Variants in CX3CL1 observed in about 807,000 individuals in gnomAD.
CX3CL1 encodes the protein C-X3-C motif chemokine ligand 1.
In CX3CL1, 1 loss-of-function variant was observed where a neutral mutation model predicts 14.1. The observed-to-expected ratio is 0.07, with a 90% CI of 0.03 to 0.34. The LOEUF (loss-of-function observed/expected upper bound fraction) is 0.34, where lower values mean the gene tolerates loss of function less well. Ranked by LOEUF, CX3CL1 falls within the 10% of genes least tolerant of loss-of-function variation. CX3CL1 has a pLI of 0.99. For synonymous variants in CX3CL1, 255 were observed against 229.6 expected (o/e 1.11, Z -1.00); for missense variants, 505 against 536.4 (o/e 0.94, Z 0.58).
chr16:57,383,041 G>A lies in CX3CL1; in HGVS notation c.*9G>A. On this transcript the variant is annotated 3_prime_UTR_variant, in exon 3 of 3. Transcript: ENST00000006053. ...TCCTGGTGCCCGTGTGAACTCCTCTGGCCTGTGTCTAGTTGTTTGATTCAG... is the reference window on the plus strand; with the variant it reads ...TCCTGGTGCCCGTGTGAACTCCTCTAGCCTGTGTCTAGTTGTTTGATTCAG... The A allele has an allele frequency of 6.9e-7, 1 of 1,441,474 alleles. No homozygotes were observed. Among genetic ancestry groups the A allele is most frequent in the Non-Finnish European group, 9.2e-7 (1 of 1,091,068 alleles). 89.3% of individuals were successfully genotyped at this position (1,441,474 alleles called of 1,614,324 possible).
rs577221570 is a variant in CX3CL1 at position 57,379,545 on chromosome 16, G to T, written c.71-89G>T. On this transcript the variant is annotated intron_variant, in intron 1 of 2. Coordinates refer to ENST00000006053, the MANE Select transcript of CX3CL1 (RefSeq NM_002996.6). ...GTGTACAGGGGATCAGTTTTGGCTT[G>T]GGTGGTGTGGCCGGGACAATCTGGC... 11 of 1,549,044 alleles carry T rather than the reference G, an allele frequency of 7.1e-6. No homozygotes were observed. The Admixed American group carries it at 1.6e-4, about 22-fold the overall frequency.
At chr16:57,372,738 A>G in intron 1 of CX3CL1, 100 bp downstream of exon 1, 2 of 1,217,304 alleles carry the variant, frequency 1.6e-6, no homozygotes, top group African/African-American at 1.5e-5. Flanking sequence ...CTGCCTGGGT[A>G]AAGCTCAAGG....
Position 57,381,546 on chromosome 16 carries a change from T to TC in CX3CL1, c.192-477dup, listed in dbSNP as rs549099472. 5.5e-4 allele frequency among the ~76,000 whole-genome samples: 83 copies of TC among 151,012 alleles called. 1 individual carries two copies. Among genetic ancestry groups the TC allele is most frequent in the Admixed American group, 5.4e-3 (82 of 15,164 alleles). Reference sequence around the variant, plus strand: ...GGCCCCATACAGAGCTCACCTGAAGTCCCCCCCAGCAGAAGACTCAAAGCC... The same window carrying TC: ...GGCCCCATACAGAGCTCACCTGAAGTCCCCCCCCAGCAGAAGACTCAAAGCC... On this transcript the variant is annotated intron_variant, in intron 2 of 2. Coordinates refer to ENST00000006053, the MANE Select transcript of CX3CL1 (RefSeq NM_002996.6).
rs1902194483 is a variant in CX3CL1, at chr16:57,372,648, G to A, written c.70+10G>A. The A allele has an allele frequency of 6.2e-7, 1 of 1,613,304 alleles. No homozygotes were observed. The highest frequency in any genetic ancestry group is 8.5e-7 in the Non-Finnish European group (1 of 1,179,848). On this transcript the variant is annotated intron_variant, in intron 1 of 2. Transcript: ENST00000006053. ...ACTGTCCTGCTGGCTGGTAAGTGGGGCTTGACTTGGGCACAAACAGGGTAG... is the reference window on the plus strand; with the variant it reads ...ACTGTCCTGCTGGCTGGTAAGTGGGACTTGACTTGGGCACAAACAGGGTAG...
At chr16:57,373,995 G>A (rs181912718) in intron 1 of CX3CL1, among the ~76,000 whole-genome samples, 27 of 152,262 alleles carry the variant, frequency 1.8e-4, no homozygotes, top group Non-Finnish European at 1.8e-4. Flanking sequence ...GACACTGGGG[G>A]ACCCTGGGTG....
chr16:57,375,543 T>C (rs1294333288), intron 1 of CX3CL1, among the ~76,000 whole-genome samples: 2 of 152,064 alleles, frequency 1.3e-5, no homozygotes, highest in African/African-American at 4.8e-5. Context: ...AAGGGAAAAA[T>C]GCTCCAGAAG....
intron 1 of CX3CL1, chr16:57,379,342 A>G (rs1597997749): frequency 4.7e-6 from 2 of 426,748 alleles, no homozygotes; most frequent in East Asian, 7.0e-5. Context: ...AAAAAAAATT[A>G]AACTCTTAAT....
intron 1 of CX3CL1, among the ~76,000 whole-genome samples, chr16:57,376,726 T>C (rs1460029042): frequency 6.6e-6 from 1 of 151,552 alleles, no homozygotes; most frequent in African/African-American, 2.4e-5. Context: ...AGAAGATTGA[T>C]AAGAGTGGGT....
rs1226859917 is a variant in CX3CL1, at chr16:57,382,704, T to C, written c.866T>C (p.Val289Ala). ...GGCAGCATGGCCCACGTCTCTGTGG[T>C]CCCTGTCTCCTCAGAAGGGACCCCC... ...GPGSMAHVSV[V>A]PVSSEGTPSR... Residue 289 changes from valine to alanine, a missense_variant, in exon 3 of 3, where the codon GTC (valine) becomes GCC (alanine). By Grantham distance (64) the Val-to-Ala change is moderately conservative. Transcript: ENST00000006053. This position sits in a 1 kb window ranked among gnomAD's most constrained non-coding sequence, Gnocchi z 6.9. 2.5e-6 allele frequency: 4 copies of C among 1,612,842 alleles called. No homozygotes were observed. The highest frequency in any genetic ancestry group is 1.1e-5 in the South Asian group (1 of 90,980).
chr16:57,378,741 G>A (rs1902278119), intron 1 of CX3CL1: 2 of 152,152 alleles, frequency 1.3e-5, no homozygotes, highest in Admixed American at 6.6e-5. Flanking sequence ...TGGGATTACA[G>A]GTGTGAGCCA....
At chr16:57,374,439 C>A (rs1368009128) in intron 1 of CX3CL1, among the ~76,000 whole-genome samples, 4 of 152,084 alleles carry the variant, frequency 2.6e-5, no homozygotes, top group Non-Finnish European at 5.9e-5. Flanking sequence ...CCACTCAAGT[C>A]CTGGCAAGAA....
At chr16:57,380,729 T>C (rs541361849) in intron 2 of CX3CL1, among the ~76,000 whole-genome samples, 2 of 152,138 alleles carry the variant, frequency 1.3e-5, no homozygotes, top group South Asian at 4.2e-4. Context: ...GCAATCTTGG[T>C]CACTTGCTCC....
intron 2 of CX3CL1, among the ~76,000 whole-genome samples, chr16:57,380,088 C>T (rs1458707207): frequency 2.0e-5 from 3 of 152,090 alleles, no homozygotes; most frequent in African/African-American, 7.2e-5. Flanking sequence ...TTTCATGGGG[C>T]GGTGTGGGTA....
chr16:57,382,969 G>T lies in CX3CL1; in HGVS notation c.1131G>T (p.Ala377=), dbSNP rs748625785. 3 of 1,509,402 alleles carry T rather than the reference G, an allele frequency of 2.0e-6. No individual in the cohort carries two copies. In the African/African-American group the frequency reaches 4.2e-5, roughly 21 times the overall value. The allele number at this position is 1,509,402 out of a possible 1,614,324, so 93.5% of individuals were successfully genotyped here. A position where few individuals can be genotyped will look rare whatever the true frequency, so the allele number is the denominator to read the frequency against. The change falls in exon 3 of 3, where the codon GCG becomes GCT. Residue 377 remains alanine (A), a synonymous_variant. Coordinates refer to ENST00000006053, the MANE Select transcript of CX3CL1 (RefSeq NM_002996.6). The surrounding 1 kb of genome is among the most constrained non-coding windows in gnomAD (Gnocchi z 6.9). ...CTCGAAAGATGGCAGGAGAGATGGC[G>T]GAGGGCCTTCGCTACATCCCCCGGA... ...GCPRKMAGEM[A]EGLRYIPRSC...
chr16:57,374,049 C>A (rs1902213397), intron 1 of CX3CL1, among the ~76,000 whole-genome samples: 1 of 152,146 alleles, frequency 6.6e-6, no homozygotes, highest in Non-Finnish European at 1.5e-5. Flanking sequence ...CTTCTGCCCT[C>A]ATCTTGGTCA....
Position 57,383,541 on chromosome 16 carries a change from T to C in CX3CL1, c.*509T>C, listed in dbSNP as rs1417095614. ...CTCTGTACAGAGCCCACGCCCCCAC[T>C]GGTGACATGTCTTTTCTTGCATGAG... On this transcript the variant is annotated 3_prime_UTR_variant, in exon 3 of 3. Transcript: ENST00000006053. The C allele has an allele frequency of 2.0e-5, 3 of 153,368 alleles. No individual in the cohort carries two copies. In the East Asian group the frequency reaches 5.8e-4, roughly 29 times the overall value. The allele number at this position is 153,368 out of a possible 1,614,324, so 9.5% of individuals were successfully genotyped here. A position where few individuals can be genotyped will look rare whatever the true frequency, so the allele number is the denominator to read the frequency against.
chr16:57,381,972 G>A (rs1483854753), intron 2 of CX3CL1, 58 bp from the exon 3 acceptor site: 4 of 1,514,672 alleles, frequency 2.6e-6, no homozygotes, highest in Admixed American at 2.0e-5. Flanking sequence ...CCCACACCAC[G>A]CTGGCCCGGG....
At chr16:57,381,971 C>G (rs769339501) in intron 2 of CX3CL1, 59 bp from the exon 3 acceptor site, 1 of 1,514,306 alleles carries the variant, frequency 6.6e-7, no homozygotes, top group East Asian at 2.3e-5. Context: ...CCCCACACCA[C>G]GCTGGCCCGG....
At chr16:57,379,584 G>A (rs771233377) in intron 1 of CX3CL1, 50 bp from the exon 2 acceptor site, 1 of 1,612,600 alleles carries the variant, frequency 6.2e-7, no homozygotes, top group Non-Finnish European at 8.5e-7. Context: ...GGGTTGGGAA[G>A]CCAGATGCCC....
Sources: gnomAD v4.1 joint callset for allele counts (sites outside exome capture counted in the v4.1 genomes callset) on GRCh38, gnomAD v4.1.1 for gene constraint, Gnocchi (gnomAD v3.1) non-coding constraint, MANE v1.5 for transcripts, NCBI Gene and HGNC (gene_info 2026-07-23, HGNC 2026-07-21) for gene names.